Variants in RAB6A observed in about 807,000 individuals in gnomAD.
The protein encoded by RAB6A is RAB6A, member RAS oncogene family.
Under a neutral mutation model 32.3 loss-of-function variants are expected in RAB6A, and 8 were observed. That is an observed-to-expected ratio of 0.25 (90% CI 0.15 to 0.45). The LOEUF (loss-of-function observed/expected upper bound fraction) is 0.45. Among genes scored for constraint, RAB6A ranks in the 20% least tolerant of loss-of-function variants. The pLI is 1.00. For synonymous variants in RAB6A, 73 were observed against 82.1 expected, an observed-to-expected ratio of 0.89 and a Z score of 0.60; for missense variants, 104 against 249.4, an observed-to-expected ratio of 0.42 and a Z score of 3.93.
At chr11:73,694,466 T>C (rs917031401) in intron 6 of RAB6A, among the ~76,000 whole-genome samples, 2 of 152,218 alleles carry the variant, frequency 1.3e-5, no homozygotes, top group African/African-American at 4.8e-5. Flanking sequence ...TGGAAAGCAC[T>C]GTGAAAGGGC....
rs879882990 is a variant in RAB6A, at chr11:73,691,975, C to CA, written c.496-12256dup. Among the ~76,000 whole-genome samples, 843 of 141,650 alleles carry CA rather than the reference C, an allele frequency of 6.0e-3. 8 individuals are homozygous for CA. The highest frequency in any genetic ancestry group is 0.019 in the African/African-American group (732 of 38,496). The allele number at this position is 141,650 out of a possible 152,430, so 92.9% of individuals were successfully genotyped here. On this transcript the variant is annotated intron_variant, in intron 6 of 7. Coordinates refer to ENST00000336083, the MANE Select transcript of RAB6A (RefSeq NM_198896.2). ...GTGACAAGAGCAAAACTCTTGTCTCCAAAAAAAAAAGAAAGCAAAAAGTGC... is the reference window on the plus strand; with the variant it reads ...GTGACAAGAGCAAAACTCTTGTCTCCAAAAAAAAAAAGAAAGCAAAAAGTGC...
At chr11:73,749,196 G>C (rs1245850166) in intron 1 of RAB6A, among the ~76,000 whole-genome samples, 1 of 152,186 alleles carries the variant, frequency 6.6e-6, no homozygotes, top group African/African-American at 2.4e-5. Context: ...AAGGAACGAA[G>C]TAATGGCATT....
At chr11:73,715,973 A>G (rs1311133116) in intron 5 of RAB6A, among the ~76,000 whole-genome samples, 1 of 152,238 alleles carries the variant, frequency 6.6e-6, no homozygotes, top group Non-Finnish European at 1.5e-5. Flanking sequence ...TACTTATGAG[A>G]TCTAAAAAAA....
intron 6 of RAB6A, among the ~76,000 whole-genome samples, chr11:73,682,993 C>T (rs902190008): frequency 2.0e-5 from 3 of 152,052 alleles, no homozygotes; most frequent in African/African-American, 7.2e-5. Context: ...CACCTTTCAT[C>T]AAGACATAAA....
intron 2 of RAB6A, among the ~76,000 whole-genome samples, chr11:73,728,207 T>C (rs577203617): frequency 3.9e-5 from 6 of 152,270 alleles, no homozygotes; most frequent in African/African-American, 1.2e-4. Flanking sequence ...ACTGTGTAGG[T>C]TGTGAGGGCA....
At chr11:73,693,291 A>AAATAAAT (rs1565349413) in intron 6 of RAB6A, among the ~76,000 whole-genome samples, 20 of 151,032 alleles carry the variant, frequency 1.3e-4, no homozygotes, top group Middle Eastern at 6.8e-3. Flanking sequence ...CCGTCTCCAA[A>AAATAAAT]AAATAAATAA....
At chr11:73,690,704 A>T (rs1464488696) in intron 6 of RAB6A, among the ~76,000 whole-genome samples, 1 of 151,272 alleles carries the variant, frequency 6.6e-6, no homozygotes, top group African/African-American at 2.4e-5. Flanking sequence ...TCTTAAAAAA[A>T]AAAAAAAAAA....
chr11:73,710,551 A>G (rs553014798), intron 5 of RAB6A, among the ~76,000 whole-genome samples: 52 of 151,960 alleles, frequency 3.4e-4, no homozygotes, highest in African/African-American at 1.2e-3. Context: ...AGCCTGGCCA[A>G]CATGATAAAA....
At chr11:73,749,574 T>C (rs1385245550) in intron 1 of RAB6A, among the ~76,000 whole-genome samples, 1 of 152,144 alleles carries the variant, frequency 6.6e-6, no homozygotes, top group Admixed American at 6.6e-5. Flanking sequence ...CTGGGCTCAG[T>C]GGCTCATGAC....
At chr11:73,737,329 T>A (rs1003958833) in intron 1 of RAB6A, among the ~76,000 whole-genome samples, 1 of 151,598 alleles carries the variant, frequency 6.6e-6, no homozygotes. Flanking sequence ...TACAAAAAAT[T>A]TAAAATTTAC....
At chr11:73,677,998 T>A in intron 7 of RAB6A, 36 bp from the exon 8 acceptor site, 1 of 1,604,780 alleles carries the variant, frequency 6.2e-7, no homozygotes, top group South Asian at 1.1e-5. Flanking sequence ...AATGGGAAAG[T>A]ACAATTTCAA....
intron 6 of RAB6A, among the ~76,000 whole-genome samples, chr11:73,705,784 G>GAGAGAGAGAGAGAGAGAGAGAA (rs1284508214): frequency 2.0e-5 from 3 of 151,500 alleles, no homozygotes; most frequent in African/African-American, 7.3e-5. Context: ...GAGAGAGAGA[G>GAGAGAGAGAGAGAGAGAGAGAA]AGAGAGAGAG....
At chr11:73,681,734 A>G (rs988495416) in intron 6 of RAB6A, among the ~76,000 whole-genome samples, 5 of 152,172 alleles carry the variant, frequency 3.3e-5, no homozygotes, top group African/African-American at 1.2e-4. Context: ...GCTTGAACCC[A>G]GGAGCCGGAG....
At chr11:73,749,637 G>T (rs937872765) in intron 1 of RAB6A, among the ~76,000 whole-genome samples, 1 of 152,226 alleles carries the variant, frequency 6.6e-6, no homozygotes, top group Admixed American at 6.5e-5. Flanking sequence ...CGAGGCCAGA[G>T]CATTGCTCAA....
chr11:73,741,220 TC>T (rs945552696), intron 1 of RAB6A, among the ~76,000 whole-genome samples: 11 of 149,940 alleles, frequency 7.3e-5, no homozygotes, highest in Admixed American at 6.6e-4. Context: ...CACTGCAAGC[TC>T]CACCTCCCGG....
Position 73,716,340 on chromosome 11 carries a change from A to T in RAB6A, c.312T>A (p.Thr104=), listed in dbSNP as rs770842155. The change falls in exon 5 of 8, where the codon ACT becomes ACA. Residue 104 remains threonine, a synonymous_variant. Transcript: ENST00000336083. ...TTCTGACATCATCAATCCACTTTGTAGTTTGCTGGAATGAGTTAACATCTA... is the reference window on the plus strand; with the variant it reads ...TTCTGACATCATCAATCCACTTTGTTGTTTGCTGGAATGAGTTAACATCTA... ...DITNVNSFQQ[T]TKWIDDVRTE... 18 of 1,612,722 alleles carry T rather than the reference A, an allele frequency of 1.1e-5. No individual in the cohort carries two copies. The highest frequency in any genetic ancestry group is 1.5e-5 in the Non-Finnish European group (18 of 1,178,918).
intron 1 of RAB6A, among the ~76,000 whole-genome samples, chr11:73,736,736 GAGCCAAGACTGTGCCACTGCACTCC>G (rs1946399292): frequency 6.7e-6 from 1 of 148,610 alleles, no homozygotes; most frequent in Non-Finnish European, 1.5e-5. Flanking sequence ...AGGTTACAGT[GAGCCAAGACTGTGCCACTGCACTCC>G]AGCCTGTGCA....
intron 4 of RAB6A, among the ~76,000 whole-genome samples, chr11:73,717,664 A>C (rs1196278005): frequency 6.6e-6 from 1 of 152,186 alleles, no homozygotes; most frequent in Non-Finnish European, 1.5e-5. Flanking sequence ...GGCTGGTCTC[A>C]AACTCCTGAC....
rs962922418 is a variant in RAB6A, at chr11:73,741,154, C to G, written c.71-10331G>C. Among the ~76,000 whole-genome samples, 9 of 151,976 alleles carry G rather than the reference C, an allele frequency of 5.9e-5. No homozygotes were observed. In the East Asian group the frequency reaches 9.7e-4, roughly 16 times the overall value. On this transcript the variant is annotated intron_variant, in intron 1 of 7. Coordinates refer to ENST00000336083, the MANE Select transcript of RAB6A (RefSeq NM_198896.2). The stretch of plus-strand genomic sequence containing the variant: ...AAAATATACTCCTTCCCCCCACCCC[C>G]CCAACAGAGTCTTGCTCTGTCGCCC...
Sources: gnomAD v4.1 joint callset for allele counts (sites outside exome capture counted in the v4.1 genomes callset) on GRCh38, gnomAD v4.1.1 for gene constraint, MANE v1.5 for transcripts, NCBI Gene and HGNC (gene_info 2026-07-23, HGNC 2026-07-21) for gene names.